The following MAP7D1 variants were observed in gnomAD, a reference collection of about 807,000 sequenced individuals.
The protein encoded by MAP7D1 is MAP7 domain-containing protein 1.
In MAP7D1, 30 loss-of-function variants were observed where a neutral mutation model predicts 97.5. The ratio of observed to expected loss-of-function variants is 0.31; its 90% CI spans 0.23 to 0.42. The LOEUF (loss-of-function observed/expected upper bound fraction) is 0.42, where lower values mean the gene tolerates loss of function less well. MAP7D1 is among the 10% of genes least tolerant of loss of function. The pLI is 1.00. For synonymous variants in MAP7D1, 536 were observed against 477.1 expected, an observed-to-expected ratio of 1.12 and a Z score of -1.61; for missense variants, 1,184 against 1,179.5, an observed-to-expected ratio of 1.00 and a Z score of -0.06.
intron 5 of MAP7D1, among the ~76,000 whole-genome samples, 165 bp from the exon 6 acceptor site, chr1:36,174,733 C>T (rs1032911169): frequency 6.8e-6 from 1 of 146,126 alleles, no homozygotes; most frequent in Admixed American, 6.9e-5. Flanking sequence ...CCTACCCCCC[C>T]ACCCTCCCTC....
intron 8 of MAP7D1, 87 bp from the exon 9 acceptor site, chr1:36,177,786 G>A (rs1644649212): frequency 1.3e-6 from 2 of 1,505,220 alleles, no homozygotes; most frequent in Non-Finnish European, 1.8e-6. Context: ...TAGCCTGGGG[G>A]AGGGGGCACC....
At chr1:36,172,419 T>C (rs1422630420) in intron 3 of MAP7D1, 45 bp from the exon 4 acceptor site, 1 of 1,423,118 alleles carries the variant, frequency 7.0e-7, no homozygotes, top group East Asian at 2.5e-5. Context: ...GCCCAGGCCT[T>C]CTGCAGAACC....
rs1380485603 is a variant in MAP7D1 at position 36,173,423 on chromosome 1, G to T, written c.684G>T (p.Gln228His). ...AGAAGACGTGGGCCGAAATCCGGCA[G>T]CAGCGCTGGTCCTGGGCAGGGGCCC... is the stretch of plus-strand genomic sequence containing the variant. The part of the protein sequence containing the change: ...SVKKTWAEIR[Q>H]QRWSWAGALH... The change falls in exon 5 of 17, where the codon CAG (glutamine) becomes CAT (histidine). Residue 228 changes from glutamine to histidine, a missense_variant. Coordinates refer to ENST00000474796, the MANE Select transcript of MAP7D1 (RefSeq NM_001388490.1). 2 of 1,614,126 alleles carry T rather than the reference G, an allele frequency of 1.2e-6. No homozygotes were observed. The highest frequency in any genetic ancestry group is 2.2e-5 in the South Asian group (2 of 91,064).
Position 36,171,604 on chromosome 1 carries a change from C to G in MAP7D1, c.460+23C>G, listed in dbSNP as rs1444441567. On this transcript the variant is annotated intron_variant, in intron 3 of 16. Transcript: ENST00000474796. Reference sequence around the variant, plus strand: ...TGGGTGAGTGAGCAGGAAGCCTCATCATCTTCTTCATCGTCATCATCAGCA... The same window carrying G: ...TGGGTGAGTGAGCAGGAAGCCTCATGATCTTCTTCATCGTCATCATCAGCA... 2.5e-6 allele frequency: 4 copies of G among 1,612,602 alleles called. No individual in the cohort carries two copies. In the South Asian group the frequency reaches 3.3e-5, roughly 13 times the overall value.
In MAP7D1 at chr1:36,159,218, C is replaced by G. The variant is rs560343202; in HGVS notation, c.46+2755C>G. 6.6e-6 allele frequency among the ~76,000 whole-genome samples: 1 copy of G among 152,030 alleles called. No individual in the cohort carries two copies. Among genetic ancestry groups the G allele is most frequent in the Non-Finnish European group, 1.5e-5 (1 of 68,010 alleles). ...GATTACAGGCGCCTGCCACCGCGCC[C>G]GGCTAATTTTTGTATTTTTAGTAGA... On this transcript the variant is annotated intron_variant, in intron 1 of 16. Transcript: ENST00000474796. The surrounding 1 kb of genome is among the most constrained non-coding windows in gnomAD (Gnocchi z 5.4).
In MAP7D1 at chr1:36,180,256, T is replaced by G. The variant is rs1441189492; in HGVS notation, c.2521T>G (p.Ter841GluextTer11). 2 of 1,614,082 alleles carry G rather than the reference T, an allele frequency of 1.2e-6. No homozygotes were observed. The highest frequency in any genetic ancestry group is 1.7e-5 in the Admixed American group (1 of 59,998). Residue 841 changes from the stop codon to glutamate, a stop_lost, in exon 17 of 17, where the codon TAA (stop) becomes GAA (glutamate). Transcript: ENST00000474796. The stretch of plus-strand genomic sequence containing the variant: ...TTCCTGTTTTTCCCCAGAAGTCCTT[T>G]AAGAGGGTTTGCCTTGGATCCGGGC... The part of the protein sequence containing the change: ...VQSPQVTEVL[*>E]
chr1:36,175,053 TC>T, intron 6 of MAP7D1, 45 bp downstream of exon 6: 1 of 1,325,516 alleles, frequency 7.5e-7, no homozygotes, highest in Non-Finnish European at 1.1e-6. Context: ...CCCTTGTAGC[TC>T]CCACCAAGCC....
rs1211168821 is a variant in MAP7D1, at chr1:36,179,251, C to T, written c.2131-11C>T. The T allele has an allele frequency of 3.1e-6, 5 of 1,613,812 alleles. No individual in the cohort carries two copies. Among genetic ancestry groups the T allele is most frequent in the Non-Finnish European group, 2.5e-6 (3 of 1,179,846 alleles). On this transcript the variant is annotated splice_polypyrimidine_tract_variant and intron_variant, in intron 12 of 16. Transcript: ENST00000474796. ...GGGCTCGAGCCTAACTGATCTGCGG[C>T]CTCCAAACAGCGTCTGGAGGAGATC...
chr1:36,178,183 C>T lies in MAP7D1; in HGVS notation c.1690C>T (p.Pro564Ser), dbSNP rs759769970. Residue 564 changes from proline (P) to serine (S), a missense_variant, in exon 9 of 17, where the codon CCC becomes TCC. Transcript: ENST00000474796. The part of the protein sequence containing the change: ...TPAPPQKEQP[P>S]AETPTDAAVL... ...AGCCCCGCCCCAGAAGGAGCAGCCC[C>T]CCGCGGAGACCCCTACAGGTAGGAA... 1.3e-6 allele frequency: 2 copies of T among 1,571,582 alleles called. No homozygotes were observed. The highest frequency in any genetic ancestry group is 1.7e-6 in the Non-Finnish European group (2 of 1,159,846).
intron 1 of MAP7D1, among the ~76,000 whole-genome samples, chr1:36,163,171 G>A (rs1229593599): frequency 3.3e-5 from 5 of 152,124 alleles, no homozygotes; most frequent in African/African-American, 1.2e-4. Context: ...TGATCTTTCT[G>A]CAGACCCCAG....
At chr1:36,157,041 G>C (rs1212090423) in intron 1 of MAP7D1, among the ~76,000 whole-genome samples, 3 of 152,212 alleles carry the variant, frequency 2.0e-5, no homozygotes, top group African/African-American at 7.2e-5. Flanking sequence ...AAGGAGGGAG[G>C]GGAGGAGAGA....
intron 1 of MAP7D1, among the ~76,000 whole-genome samples, chr1:36,168,872 C>CT (rs1030491372): frequency 7.6e-4 from 116 of 152,114 alleles, no homozygotes; most frequent in African/African-American, 2.6e-3. Context: ...CAAATTACCT[C>CT]TTTTTTTTGC....
chr1:36,176,744 GAA>G lies in MAP7D1; in HGVS notation c.1282_1283del (p.Lys428GlufsTer30). The G allele has an allele frequency of 6.2e-7, 1 of 1,604,914 alleles. No individual in the cohort carries two copies. Among genetic ancestry groups the G allele is most frequent in the Non-Finnish European group, 8.5e-7 (1 of 1,176,398 alleles). ...ACAAGGAGCGGGAAAACGAGAAGGAGAAGAGTGCCCTAGCCCGGGAGCGCAGC... is the reference window on the plus strand; with the variant it reads ...ACAAGGAGCGGGAAAACGAGAAGGAGGAGTGCCCTAGCCCGGGAGCGCAGC... Reference protein sequence around the residue: ...KDKERENEKEKSALARERSLK... With the variant: ...KDKERENEKEXSALARERSLK... On this transcript the variant is annotated frameshift_variant, in exon 8 of 17. Transcript: ENST00000474796. LOFTEE classifies it high-confidence loss of function. This position sits in a 1 kb window ranked among gnomAD's most constrained non-coding sequence, Gnocchi z 6.1.
intron 1 of MAP7D1, among the ~76,000 whole-genome samples, chr1:36,158,104 A>G (rs554986072): frequency 6.7e-5 from 10 of 150,054 alleles, no homozygotes; most frequent in African/African-American, 2.4e-4. Flanking sequence ...TAGACTGAAT[A>G]TGAGAGCATG....
Position 36,176,798 on chromosome 1 carries a change from C to T in MAP7D1, c.1335C>T (p.Ala445=), listed in dbSNP as rs188142065. The T allele has an allele frequency of 2.2e-4, 352 of 1,595,922 alleles. 1 individual carries two copies. The African/African-American group carries it at 4.3e-3, about 19-fold the overall frequency. The change falls in exon 8 of 17, where the codon GCC becomes GCT. Residue 445 remains alanine (A), a synonymous_variant. Coordinates refer to ENST00000474796, the MANE Select transcript of MAP7D1 (RefSeq NM_001388490.1). This position sits in a 1 kb window ranked among gnomAD's most constrained non-coding sequence, Gnocchi z 6.1. ...RSLKKRQSLP[A]SPRARLSAST... ...TCAAGAAGCGCCAGTCGCTGCCCGC[C>T]TCCCCACGTGCCCGCCTCTCTGCCA... is the stretch of plus-strand genomic sequence containing the variant.
chr1:36,157,495 G>T (rs891283519), intron 1 of MAP7D1, among the ~76,000 whole-genome samples: 3 of 152,218 alleles, frequency 2.0e-5, no homozygotes, highest in African/African-American at 7.2e-5. Flanking sequence ...AGCTGATGAG[G>T]GGGTGGGGAC....
chr1:36,179,111 C>A, intron 12 of MAP7D1, 86 bp downstream of exon 12: 2 of 1,497,688 alleles, frequency 1.3e-6, no homozygotes, highest in Admixed American at 4.0e-5. Context: ...GCGGACAGGA[C>A]GGGAAAGCGC....
rs757467342 is a variant in MAP7D1 at position 36,177,885 on chromosome 1, G to C, written c.1392G>C (p.Lys464Asn). ...CCTTTTCTCTTAGCCCCAAATCCAA[G>C]GCCAGGCCATCCTCTCCCTCCACAT... ...STASELSPKS[K>N]ARPSSPSTSW... The change falls in exon 9 of 17, where the codon AAG (lysine) becomes AAC (asparagine). Residue 464 changes from lysine (K) to asparagine (N), a missense_variant. Transcript: ENST00000474796. The C allele has an allele frequency of 3.3e-5, 51 of 1,535,152 alleles. No individual in the cohort carries two copies. The highest frequency in any genetic ancestry group is 4.2e-5 in the Non-Finnish European group (48 of 1,141,274).
intron 1 of MAP7D1, among the ~76,000 whole-genome samples, chr1:36,168,923 C>A (rs2124221442): frequency 6.6e-6 from 1 of 152,164 alleles, no homozygotes; most frequent in Admixed American, 6.5e-5. Flanking sequence ...TATATGAGGA[C>A]TCCTTCATAA....
Sources: allele counts gnomAD v4.1 joint callset (sites outside exome capture counted in the v4.1 genomes callset), GRCh38; gene constraint gnomAD v4.1.1; non-coding constraint Gnocchi (gnomAD v3.1); transcripts MANE v1.5; gene names NCBI Gene and HGNC (gene_info 2026-07-23, HGNC 2026-07-21).